Variants in GPC5 observed in about 807,000 individuals in gnomAD.
The protein encoded by GPC5 is glypican 5.
In GPC5, 47 loss-of-function variants were observed where a neutral mutation model predicts 53.9. That is an observed-to-expected ratio of 0.87 (90% confidence interval 0.69 to 1.11). The LOEUF is 1.11. Ranked by LOEUF, GPC5 falls within the 50% of genes most tolerant of loss-of-function variation. The pLI, the probability that GPC5 is intolerant of heterozygous loss-of-function variation, is 0.00. For synonymous variants in GPC5, 286 were observed against 263.3 expected (o/e 1.09, Z -0.84); for missense variants, 748 against 713.1 (o/e 1.05, Z -0.56).
intron 7 of GPC5, among the ~76,000 whole-genome samples, chr13:92,664,069 C>T (rs1886487845): frequency 6.6e-6 from 1 of 151,156 alleles, no homozygotes; most frequent in African/African-American, 2.4e-5. Flanking sequence ...GAGGCTCTGT[C>T]TAAAACAAAA....
At chr13:92,325,535 G>A (rs999627436) in intron 7 of GPC5, among the ~76,000 whole-genome samples, 7 of 152,012 alleles carry the variant, frequency 4.6e-5, no homozygotes, top group African/African-American at 1.7e-4. Context: ...TATTCACTGT[G>A]GTGGAGCATA....
At chr13:92,367,920 C>T (rs1474981384) in intron 7 of GPC5, among the ~76,000 whole-genome samples, 2 of 152,104 alleles carry the variant, frequency 1.3e-5, no homozygotes, top group East Asian at 1.9e-4. Context: ...ATCAGTTACA[C>T]TTTTGGGAAT....
chr13:91,975,220 C>A (rs1458370701), intron 6 of GPC5, among the ~76,000 whole-genome samples: 1 of 152,092 alleles, frequency 6.6e-6, no homozygotes, highest in Non-Finnish European at 1.5e-5. Context: ...GCAAGGACTT[C>A]ATGTCTAAAA....
intron 7 of GPC5, among the ~76,000 whole-genome samples, chr13:92,572,930 T>G (rs1883077058): frequency 6.6e-6 from 1 of 152,222 alleles, no homozygotes; most frequent in Non-Finnish European, 1.5e-5. Flanking sequence ...GATATGTAGA[T>G]ATTGACTTCT....
At chr13:91,753,457 A>G (rs1011077280) in intron 4 of GPC5, among the ~76,000 whole-genome samples, 1 of 152,162 alleles carries the variant, frequency 6.6e-6, no homozygotes, top group Non-Finnish European at 1.5e-5. Flanking sequence ...ATGTCTTTCA[A>G]ATCTTTCACT....
At chr13:91,854,629 T>G (rs924616708) in intron 5 of GPC5, among the ~76,000 whole-genome samples, 2 of 151,660 alleles carry the variant, frequency 1.3e-5, no homozygotes, top group Non-Finnish European at 3.0e-5. Flanking sequence ...TTTTAAAAGA[T>G]TCTGAAAATT....
intron 7 of GPC5, among the ~76,000 whole-genome samples, chr13:92,355,894 T>G (rs1314712082): frequency 2.0e-5 from 3 of 151,762 alleles, no homozygotes. Context: ...TTTTTTTTTT[T>G]TTTTTTTGCT....
chr13:92,117,534 G>T (rs2041610896), intron 6 of GPC5, among the ~76,000 whole-genome samples: 2 of 152,112 alleles, frequency 1.3e-5, no homozygotes, highest in Admixed American at 6.5e-5. Context: ...TGTGGCATTT[G>T]ATTTGCTCTT....
chr13:92,718,905 A>G (rs1478383298), intron 7 of GPC5, among the ~76,000 whole-genome samples: 1 of 151,876 alleles, frequency 6.6e-6, no homozygotes, highest in Non-Finnish European at 1.5e-5. Flanking sequence ...CAAAAAAAAA[A>G]AAAAAAATTG....
chr13:92,690,489 C>G (rs1028383062), intron 7 of GPC5, among the ~76,000 whole-genome samples: 1 of 74,776 alleles, frequency 1.3e-5, no homozygotes. Context: ...TCAAAGTTTT[C>G]AACTTCTTTG....
At chr13:91,920,995 T>A (rs929416630) in intron 6 of GPC5, among the ~76,000 whole-genome samples, 3 of 133,190 alleles carry the variant, frequency 2.3e-5, no homozygotes, top group African/African-American at 8.3e-5. Context: ...TGGAGTCCAC[T>A]GGTGGGATCC....
At chr13:92,743,718 G>T (rs1889167248) in intron 7 of GPC5, among the ~76,000 whole-genome samples, 1 of 152,036 alleles carries the variant, frequency 6.6e-6, no homozygotes, top group Non-Finnish European at 1.5e-5. Flanking sequence ...TATTGGCTGT[G>T]GGTTTCTCAT....
chr13:92,053,369 C>T (rs1163346190), intron 6 of GPC5, among the ~76,000 whole-genome samples: 1 of 152,206 alleles, frequency 6.6e-6, no homozygotes, highest in Admixed American at 6.5e-5. Context: ...CTTTCGTCTG[C>T]TGTTTCTAGT....
At chr13:92,499,115 G>A (rs1594252755) in intron 7 of GPC5, among the ~76,000 whole-genome samples, 1 of 152,084 alleles carries the variant, frequency 6.6e-6, no homozygotes, top group East Asian at 1.9e-4. Context: ...AAAATAGTTT[G>A]GATGTAAGAA....
intron 7 of GPC5, among the ~76,000 whole-genome samples, chr13:92,819,786 T>C (rs1447023593): frequency 6.6e-6 from 1 of 152,198 alleles, no homozygotes; most frequent in Non-Finnish European, 1.5e-5. Context: ...AGGAGGAATT[T>C]TTTAATTATA....
intron 7 of GPC5, among the ~76,000 whole-genome samples, chr13:92,653,730 A>G (rs1342349705): frequency 1.3e-5 from 2 of 152,222 alleles, no homozygotes; most frequent in Non-Finnish European, 2.9e-5. Context: ...GGCCTTACAC[A>G]TAAGTAAGTA....
At chr13:92,095,997 A>G (rs909787306) in intron 6 of GPC5, among the ~76,000 whole-genome samples, 2 of 152,232 alleles carry the variant, frequency 1.3e-5, no homozygotes, top group African/African-American at 4.8e-5. Flanking sequence ...GTCATGAGGC[A>G]TGTAGGTGGC....
At chr13:91,965,777 C>T (rs367641291) in intron 6 of GPC5, among the ~76,000 whole-genome samples, 1 of 152,128 alleles carries the variant, frequency 6.6e-6, no homozygotes, top group East Asian at 1.9e-4. Flanking sequence ...CGTGCTTGAG[C>T]TGTTGCCATT....
At chr13:92,414,885 T>A (rs1042594297) in intron 7 of GPC5, among the ~76,000 whole-genome samples, 11 of 152,280 alleles carry the variant, frequency 7.2e-5, no homozygotes, top group Admixed American at 3.9e-4. Flanking sequence ...TTGACCTTGT[T>A]ACCTCCCAAG....
Sources: gnomAD v4.1 joint callset for allele counts (sites outside exome capture counted in the v4.1 genomes callset) on GRCh38, gnomAD v4.1.1 for gene constraint, MANE v1.5 for transcripts, NCBI Gene and HGNC (gene_info 2026-07-23, HGNC 2026-07-21) for gene names.